Variants in ADPRHL1 observed in about 807,000 individuals in gnomAD.
ADPRHL1 encodes the protein ADP-ribosylhydrolase like 1.
In ADPRHL1, 43 loss-of-function variants were observed where a neutral mutation model predicts 44.1. The observed-to-expected ratio is 0.98, with a 90% confidence interval of 0.76 to 1.26. ADPRHL1 has a LOEUF of 1.26. Among genes scored for constraint, ADPRHL1 ranks in the 50% most tolerant of loss-of-function variants. ADPRHL1 has a pLI of 0.00. For synonymous variants in ADPRHL1, 878 were observed against 1,017.4 expected (o/e 0.86, Z 2.61); for missense variants, 2,022 against 2,496.9 (o/e 0.81, Z 4.05).
intron 2 of ADPRHL1, among the ~76,000 whole-genome samples, chr13:113,442,908 A>G (rs1377729998): frequency 1.3e-5 from 2 of 152,124 alleles, no homozygotes; most frequent in African/African-American, 4.8e-5. Flanking sequence ...CACCGTGGAT[A>G]GTTTCTGCTG....
At chr13:113,413,536 G>C (rs576445985) in intron 7 of ADPRHL1, among the ~76,000 whole-genome samples, 29 of 152,340 alleles carry the variant, frequency 1.9e-4, no homozygotes, top group Admixed American at 1.4e-3. Context: ...GAGGCGCCCT[G>C]TGATCGGGGC....
At chr13:113,434,358 G>A (rs1298958811) in intron 2 of ADPRHL1, among the ~76,000 whole-genome samples, 7 of 111,974 alleles carry the variant, frequency 6.3e-5, no homozygotes, top group Non-Finnish European at 7.4e-5. Flanking sequence ...CCAGGTGCAG[G>A]ATGAACATAG....
chr13:113,450,654 C>T (rs914500644), intron 1 of ADPRHL1, among the ~76,000 whole-genome samples: 1 of 152,148 alleles, frequency 6.6e-6, no homozygotes, highest in African/African-American at 2.4e-5. Flanking sequence ...TGCCTGGCAG[C>T]CGAGGCAGAG....
In ADPRHL1 at chr13:113,453,227, T is replaced by TG. The variant is rs1168909292; in HGVS notation, c.210dup (p.Thr71HisfsTer8). On this transcript the variant is annotated frameshift_variant, in exon 1 of 8. Transcript: ENST00000612156. LOFTEE classifies it high-confidence loss of function. The surrounding 1 kb of genome is among the most constrained non-coding windows in gnomAD (Gnocchi z 5.4). ...GAGCGCGGTGGGCCCAGCCTACCTGTGGTGAGGGCCTCGGCGGTTGCGATG... is the reference window on the plus strand; with the variant it reads ...GAGCGCGGTGGGCCCAGCCTACCTGTGGGTGAGGGCCTCGGCGGTTGCGATG... 1 of 1,614,006 alleles carries TG rather than the reference T, an allele frequency of 6.2e-7. No individual in the cohort carries two copies. Among genetic ancestry groups the TG allele is most frequent in the South Asian group, 1.1e-5 (1 of 91,070 alleles).
rs1043171989 is a variant in ADPRHL1 at position 113,405,696 on chromosome 13, C to T, written c.3586G>A (p.Val1196Met). The change falls in exon 8 of 8, where the codon GTG (valine) becomes ATG (methionine). Residue 1196 changes from valine to methionine, a missense_variant. By Grantham distance (21) the Val-to-Met change is conservative. Coordinates refer to ENST00000612156, the MANE Select transcript of ADPRHL1 (RefSeq NM_001394807.1). ...GAAGRSLLRGVALVQHPEDIA... is the reference protein window; with the variant it reads ...GAAGRSLLRGMALVQHPEDIA... ...TCCTCTGGGTGCTGGACGAGGGCCACGCCTCTCAGGAGGCTCCTCCCTGCT... is the reference window on the plus strand; with the variant it reads ...TCCTCTGGGTGCTGGACGAGGGCCATGCCTCTCAGGAGGCTCCTCCCTGCT... 12 of 1,231,852 alleles carry T rather than the reference C, an allele frequency of 9.7e-6. No homozygotes were observed. The highest frequency in any genetic ancestry group is 6.2e-5 in the African/African-American group (4 of 64,420). 76.3% of individuals were successfully genotyped at this position (1,231,852 alleles called of 1,614,324 possible).
intron 7 of ADPRHL1, among the ~76,000 whole-genome samples, chr13:113,411,599 C>T (rs368114220): frequency 5.8e-4 from 89 of 152,322 alleles, no homozygotes; most frequent in African/African-American, 2.0e-3. Context: ...CACCCCGCAG[C>T]GTGATCATCT....
chr13:113,410,109 G>C (rs768353371), intron 7 of ADPRHL1: 5 of 985,386 alleles, frequency 5.1e-6, no homozygotes, highest in Middle Eastern at 5.2e-4. Flanking sequence ...CCGTGTTGCC[G>C]TGGGCACGCG....
In ADPRHL1 at chr13:113,406,427, G is replaced by C. The variant is rs1041548712; in HGVS notation, c.2855C>G (p.Pro952Arg). The C allele has an allele frequency of 1.8e-5, 22 of 1,231,966 alleles. 1 individual carries two copies. The highest frequency in any genetic ancestry group is 1.9e-5 in the Non-Finnish European group (19 of 987,998). The allele number at this position is 1,231,966 out of a possible 1,614,324, so 76.3% of individuals were successfully genotyped here. The change falls in exon 8 of 8, where the codon CCT (proline) becomes CGT (arginine). Residue 952 changes from proline (P) to arginine (R), a missense_variant. This residue lies in a region of ADPRHL1 where 1,221 missense variants were observed against 1,517.8 expected (regional missense o/e 0.80). Transcript: ENST00000612156. ...GCCTTTGTTTTCCTTCCCGCCAGCAGGATCTGTCTGGAGTCTCTGTGTCAG... is the reference window on the plus strand; with the variant it reads ...GCCTTTGTTTTCCTTCCCGCCAGCACGATCTGTCTGGAGTCTCTGTGTCAG... ...TLLTQRLQTD[P>R]AGGKENKGSF...
rs1566459993 is a variant in ADPRHL1 at position 113,400,173 on chromosome 13, TCTCG to T, written c.*3201_*3204del. ...CTTTTTTTTTTTTTTTTTGACGGAG[TCTCG>T]CTCTGTCACCCAGGCTGGAGTGCAG... On this transcript the variant is annotated 3_prime_UTR_variant, in exon 8 of 8. Transcript: ENST00000612156. The T allele has an allele frequency of 7.0e-6, 1 of 143,716 alleles. No homozygotes were observed. Among genetic ancestry groups the T allele is most frequent in the African/African-American group, 2.6e-5 (1 of 38,574 alleles). The allele number at this position is 143,716 out of a possible 1,614,324, so 8.9% of individuals were successfully genotyped here.
chr13:113,412,380 A>G (rs9324240), intron 7 of ADPRHL1, among the ~76,000 whole-genome samples: 98,957 of 151,942 alleles, frequency 0.65, 33,763 homozygotes, highest in African/African-American at 0.84. Flanking sequence ...GGGTTTCACC[A>G]TGTTAGCCAG....
At chr13:113,432,813 C>T (rs1174656577) in intron 3 of ADPRHL1, among the ~76,000 whole-genome samples, 3 of 152,236 alleles carry the variant, frequency 2.0e-5, no homozygotes, top group African/African-American at 7.2e-5. Context: ...GCTAGCGTGG[C>T]TGTTGGATGT....
At chr13:113,428,662 G>C (rs2043983904) in intron 4 of ADPRHL1, among the ~76,000 whole-genome samples, 1 of 152,248 alleles carries the variant, frequency 6.6e-6, no homozygotes, top group Non-Finnish European at 1.5e-5. Context: ...CCGCGGGCTG[G>C]GGTGGACGGG....
intron 7 of ADPRHL1, among the ~76,000 whole-genome samples, chr13:113,416,981 A>G (rs2043890308): frequency 6.6e-6 from 1 of 152,222 alleles, no homozygotes; most frequent in Non-Finnish European, 1.5e-5. Flanking sequence ...ATCCTGGGCA[A>G]AGGGGCGTGG....
intron 2 of ADPRHL1, among the ~76,000 whole-genome samples, chr13:113,436,464 C>T (rs371024627): frequency 0.011 from 26 of 2,386 alleles, no homozygotes; most frequent in Non-Finnish European, 0.026. Flanking sequence ...GCAGGGTGAA[C>T]ATAGGTGTAC....
At chr13:113,420,086 T>C (rs1377232547) in intron 7 of ADPRHL1, among the ~76,000 whole-genome samples, 1 of 152,214 alleles carries the variant, frequency 6.6e-6, no homozygotes, top group East Asian at 1.9e-4. Flanking sequence ...ACACGCCGCC[T>C]TTAACAGCAT....
At chr13:113,425,726 G>A (rs1334496740) in intron 4 of ADPRHL1, among the ~76,000 whole-genome samples, 1 of 145,878 alleles carries the variant, frequency 6.9e-6, no homozygotes, top group Non-Finnish European at 1.5e-5. Context: ...TGTTGCCCAG[G>A]CTGGAGTGCA....
At chr13:113,422,620 C>A (rs537808741) in intron 7 of ADPRHL1, 4 of 694,794 alleles carry the variant, frequency 5.8e-6, no homozygotes, top group African/African-American at 3.6e-5. Flanking sequence ...TGGTGGAGGA[C>A]GGAAAATATT....
At chr13:113,433,965 G>C in intron 2 of ADPRHL1, 98 bp from the exon 3 acceptor site, 1 of 1,426,316 alleles carries the variant, frequency 7.0e-7, no homozygotes, top group South Asian at 1.5e-5. Context: ...AGAAAAATTT[G>C]TGTAATAACA....
intron 7 of ADPRHL1, among the ~76,000 whole-genome samples, chr13:113,416,102 G>C (rs569328467): frequency 6.6e-6 from 1 of 151,524 alleles, no homozygotes; most frequent in African/African-American, 2.4e-5. Flanking sequence ...TCATTGCAAC[G>C]GTCACCGTCT....
Sources: gnomAD v4.1 joint callset for allele counts (sites outside exome capture counted in the v4.1 genomes callset) on GRCh38, gnomAD v4.1.1 for gene constraint, gnomAD v4.1.1 regional missense constraint, Gnocchi (gnomAD v3.1) non-coding constraint, MANE v1.5 for transcripts, NCBI Gene and HGNC (gene_info 2026-07-23, HGNC 2026-07-21) for gene names.